The following GRID2 variants were observed in gnomAD, a reference collection of about 807,000 sequenced individuals.
The protein encoded by GRID2 is glutamate receptor ionotropic, delta-2.
GRID2 carries 33 observed loss-of-function variants against 114.8 expected under a neutral mutation model. The ratio of observed to expected loss-of-function variants is 0.29; its 90% CI spans 0.22 to 0.38. The LOEUF (loss-of-function observed/expected upper bound fraction) is 0.38, where lower values mean the gene tolerates loss of function less well. Among genes scored for constraint, GRID2 ranks in the 10% least tolerant of loss-of-function variants. GRID2 has a pLI of 1.00. For synonymous variants in GRID2, 505 were observed against 449.9 expected (o/e 1.12, Z -1.55); for missense variants, 1,184 against 1,257.7 (o/e 0.94, Z 0.89).
chr4:93,294,701 G>A (rs1754106553), intron 8 of GRID2, among the ~76,000 whole-genome samples: 1 of 152,048 alleles, frequency 6.6e-6, no homozygotes, highest in South Asian at 2.1e-4. Context: ...TGGGATTACA[G>A]GCACGTACCA....
intron 2 of GRID2, among the ~76,000 whole-genome samples, chr4:92,853,304 A>T (rs1310997742): frequency 6.6e-6 from 1 of 152,074 alleles, no homozygotes; most frequent in Non-Finnish European, 1.5e-5. Flanking sequence ...TGAAACTCTA[A>T]CATGGATATA....
chr4:93,659,434 C>A (rs1030622618), intron 14 of GRID2, among the ~76,000 whole-genome samples: 1 of 152,034 alleles, frequency 6.6e-6, no homozygotes, highest in Non-Finnish European at 1.5e-5. Context: ...TCCCATACAT[C>A]TTTTGGTTAT....
chr4:92,344,059 G>C (rs916235329), intron 1 of GRID2, among the ~76,000 whole-genome samples: 8 of 152,158 alleles, frequency 5.3e-5, no homozygotes, highest in Non-Finnish European at 1.2e-4. Context: ...AGGTGGCAGA[G>C]GTATAAGAAA....
chr4:92,356,884 G>C (rs1041282364), intron 1 of GRID2, among the ~76,000 whole-genome samples: 7 of 151,868 alleles, frequency 4.6e-5, no homozygotes, highest in African/African-American at 1.7e-4. Context: ...CATTTTGGAA[G>C]TGAATAAAGC....
At chr4:93,698,549 G>A (rs1176740651) in intron 14 of GRID2, among the ~76,000 whole-genome samples, 3 of 152,024 alleles carry the variant, frequency 2.0e-5, no homozygotes, top group Non-Finnish European at 4.4e-5. Context: ...AAGGGGGAAA[G>A]CACTTTGTCT....
intron 13 of GRID2, among the ~76,000 whole-genome samples, chr4:93,595,224 G>A (rs532138440): frequency 1.4e-4 from 21 of 152,304 alleles, no homozygotes; most frequent in African/African-American, 4.8e-4. Context: ...GATTGTTCAT[G>A]AAATTCCTTA....
At chr4:93,126,460 T>C (rs1409523230) in intron 4 of GRID2, among the ~76,000 whole-genome samples, 1 of 152,088 alleles carries the variant, frequency 6.6e-6, no homozygotes. Context: ...TGGGCAGATG[T>C]CCTGTGCATT....
chr4:93,469,415 C>T (rs765433691), intron 11 of GRID2, among the ~76,000 whole-genome samples: 5 of 151,748 alleles, frequency 3.3e-5, no homozygotes, highest in Non-Finnish European at 5.9e-5. Flanking sequence ...TTAGAAAATT[C>T]TTCCTGAAAA....
intron 1 of GRID2, among the ~76,000 whole-genome samples, chr4:92,321,854 C>A (rs1726330906): frequency 6.6e-6 from 1 of 152,054 alleles, no homozygotes; most frequent in Admixed American, 6.6e-5. Context: ...CAAATCTTGC[C>A]TTGGTCTTTT....
chr4:93,041,675 A>T (rs1287907639), intron 2 of GRID2, among the ~76,000 whole-genome samples: 1 of 152,188 alleles, frequency 6.6e-6, no homozygotes, highest in Non-Finnish European at 1.5e-5. Flanking sequence ...AGACTACCTT[A>T]GCATATTTTT....
At chr4:92,453,410 G>C (rs959048940) in intron 1 of GRID2, among the ~76,000 whole-genome samples, 3 of 151,972 alleles carry the variant, frequency 2.0e-5, no homozygotes, top group Non-Finnish European at 2.9e-5. Flanking sequence ...GCAGAGAATG[G>C]GTTCATACAG....
chr4:93,114,197 A>T (rs577703421), intron 4 of GRID2, among the ~76,000 whole-genome samples: 1 of 152,274 alleles, frequency 6.6e-6, no homozygotes, highest in African/African-American at 2.4e-5. Context: ...AAGCTCTGCC[A>T]GGGGACTACT....
intron 1 of GRID2, among the ~76,000 whole-genome samples, chr4:92,380,841 A>G (rs1290775969): frequency 2.0e-5 from 3 of 152,054 alleles, no homozygotes; most frequent in Non-Finnish European, 4.4e-5. Context: ...AAAATGGTAC[A>G]TATAATACTA....
chr4:93,708,438 C>G (rs1728194673), intron 14 of GRID2, among the ~76,000 whole-genome samples: 1 of 151,866 alleles, frequency 6.6e-6, no homozygotes, highest in South Asian at 2.1e-4. Context: ...TATCTCTTTT[C>G]TTAGGGTTTG....
intron 2 of GRID2, among the ~76,000 whole-genome samples, chr4:92,631,790 A>G (rs1244816704): frequency 6.6e-6 from 1 of 152,178 alleles, no homozygotes; most frequent in Non-Finnish European, 1.5e-5. Context: ...ATCAAATCCA[A>G]AACTCTGATA....
chr4:92,446,251 C>G (rs1733465064), intron 1 of GRID2, among the ~76,000 whole-genome samples: 2 of 152,062 alleles, frequency 1.3e-5, no homozygotes, highest in South Asian at 4.1e-4. Flanking sequence ...CTGGCTTTAT[C>G]CCATATTTGA....
chr4:93,258,091 A>G (rs1749825084), intron 8 of GRID2, among the ~76,000 whole-genome samples: 1 of 151,072 alleles, frequency 6.6e-6, no homozygotes, highest in Non-Finnish European at 1.5e-5. Flanking sequence ...TACTGGTAAT[A>G]CTATAATCAA....
chr4:93,168,682 A>C (rs1346984338), intron 4 of GRID2, among the ~76,000 whole-genome samples: 1 of 152,128 alleles, frequency 6.6e-6, no homozygotes, highest in Non-Finnish European at 1.5e-5. Flanking sequence ...TTTAGCTTCA[A>C]CTTAAGATCT....
intron 1 of GRID2, among the ~76,000 whole-genome samples, chr4:92,515,083 T>G (rs1194051048): frequency 1.3e-5 from 2 of 151,924 alleles, no homozygotes; most frequent in Non-Finnish European, 2.9e-5. Context: ...CTTCTTGACA[T>G]AGTCGATACA....
Sources: allele counts gnomAD v4.1 joint callset (sites outside exome capture counted in the v4.1 genomes callset), GRCh38; gene constraint gnomAD v4.1.1; transcripts MANE v1.5; gene names NCBI Gene and HGNC (gene_info 2026-07-23, HGNC 2026-07-21).